TMEM272: variants seen among roughly 807,000 people sequenced by gnomAD.
TMEM272 encodes transmembrane protein 272.
A neutral mutation model predicts 3.7 loss-of-function variants in TMEM272; 8 were observed. The ratio of observed to expected loss-of-function variants is 2.17; its 90% CI spans 1.27 to 3.91. TMEM272 has a LOEUF of 3.91. Among genes scored for constraint, TMEM272 ranks in the 30% most tolerant of loss-of-function variants. TMEM272 has a pLI of 0.00. For synonymous variants in TMEM272, 63 were observed against 39.8 expected (o/e 1.58, Z -2.20); for missense variants, 166 against 91.5 (o/e 1.81, Z -3.32).
the TMEM272 span, among the ~76,000 whole-genome samples, chr13:51,871,830 AC>A: frequency 1.3e-5 from 2 of 149,006 alleles, no homozygotes; most frequent in African/African-American, 5.1e-5. Flanking sequence ...ACACACACAC[AC>A]ACACACACAC....
At chr13:51,854,506 C>T in the TMEM272 span, among the ~76,000 whole-genome samples, 2 of 152,144 alleles carry the variant, frequency 1.3e-5, no homozygotes, top group Non-Finnish European at 2.9e-5. Context: ...TTCTCTGACT[C>T]CCCAGCTATG....
chr13:51,888,639 C>CTTTTTTTTTTTTT, the TMEM272 span, among the ~76,000 whole-genome samples: 84 of 76,796 alleles, frequency 1.1e-3, no homozygotes, highest in South Asian at 5.7e-3. Flanking sequence ...TTTTCTTTTT[C>CTTTTTTTTTTTTT]TTTTTTTTTT....
chr13:51,911,416 G>C, the TMEM272 span, among the ~76,000 whole-genome samples: 31 of 152,192 alleles, frequency 2.0e-4, no homozygotes, highest in Non-Finnish European at 4.3e-4. Context: ...CACATAGAGA[G>C]TGTTCCTCTT....
At chr13:51,848,192 T>C (rs1157184628), upstream of TMEM272, among the ~76,000 whole-genome samples, 2 of 152,160 alleles carry the variant, frequency 1.3e-5, no homozygotes, top group Non-Finnish European at 2.9e-5. Flanking sequence ...GTGGAAGCAG[T>C]TGCTAACCCT....
the TMEM272 span, among the ~76,000 whole-genome samples, chr13:51,877,255 A>G: frequency 6.6e-6 from 1 of 152,208 alleles, no homozygotes; most frequent in Non-Finnish European, 1.5e-5. Context: ...GTAAAATGCC[A>G]AGCACACAGA....
At chr13:51,915,651 T>C in the TMEM272 span, among the ~76,000 whole-genome samples, 13 of 152,188 alleles carry the variant, frequency 8.5e-5, no homozygotes, top group Non-Finnish European at 1.8e-4. Flanking sequence ...GTGGGAGTAG[T>C]CCTGGGTCCT....
At chr13:51,912,789 G>A in the TMEM272 span, among the ~76,000 whole-genome samples, 2 of 152,130 alleles carry the variant, frequency 1.3e-5, no homozygotes, top group African/African-American at 4.8e-5. Flanking sequence ...GTGCAGTCCT[G>A]GCACACAGTT....
the TMEM272 span, among the ~76,000 whole-genome samples, chr13:51,915,046 TTCACGGCAAATTACAAATATTGAAGAGC>T: frequency 1.3e-5 from 2 of 152,212 alleles, no homozygotes; most frequent in South Asian, 2.1e-4. Flanking sequence ...ATGTAAATAC[TTCACGGCAAATTACAAATATTGAAGAGC>T]TGGAAAGTAC....
At chr13:51,927,196 A>G in the TMEM272 span, among the ~76,000 whole-genome samples, 1 of 152,184 alleles carries the variant, frequency 6.6e-6, no homozygotes, top group African/African-American at 2.4e-5. Context: ...GAAGTTTATA[A>G]AACACCCATA....
At chr13:51,842,071 T>C (rs1236369376) in intron 1 of TMEM272, among the ~76,000 whole-genome samples, 2 of 152,220 alleles carry the variant, frequency 1.3e-5, no homozygotes, top group African/African-American at 4.8e-5. Context: ...ACCTCGTGCA[T>C]GTAATAATGT....
intron 4 of TMEM272, among the ~76,000 whole-genome samples, chr13:51,819,940 G>A (rs954556962): frequency 3.9e-5 from 6 of 152,098 alleles, no homozygotes; most frequent in Non-Finnish European, 5.9e-5. Context: ...GCATGTCCTT[G>A]TTGGCTTAGA....
At chr13:51,842,438 G>A (rs1956271510) in intron 1 of TMEM272, among the ~76,000 whole-genome samples, 1 of 152,184 alleles carries the variant, frequency 6.6e-6, no homozygotes, top group East Asian at 1.9e-4. Flanking sequence ...AAAGGAGTAA[G>A]TCCACCAGGG....
the TMEM272 span, among the ~76,000 whole-genome samples, chr13:51,870,582 CA>C: frequency 1.3e-5 from 2 of 152,140 alleles, no homozygotes; most frequent in Non-Finnish European, 2.9e-5. Context: ...CAGAAATCCA[CA>C]AGAACAAAAA....
chr13:51,825,339 G>A (rs995222747), intron 3 of TMEM272, among the ~76,000 whole-genome samples: 2 of 152,148 alleles, frequency 1.3e-5, no homozygotes, highest in Non-Finnish European at 2.9e-5. Flanking sequence ...TAGTATTGTG[G>A]CTTTAGCAGG....
At chr13:51,914,040 A>G in the TMEM272 span, among the ~76,000 whole-genome samples, 2 of 152,246 alleles carry the variant, frequency 1.3e-5, no homozygotes, top group African/African-American at 4.8e-5. Context: ...ACCTCTGTTC[A>G]GCCCTCTGCA....
intron 2 of TMEM272, among the ~76,000 whole-genome samples, chr13:51,834,615 G>A (rs548714196): frequency 9.2e-5 from 14 of 152,204 alleles, no homozygotes; most frequent in Admixed American, 2.6e-4. Context: ...TTCTCTCACA[G>A]CTGAGGGGCT....
chr13:51,837,080 G>A (rs7323551), intron 2 of TMEM272, among the ~76,000 whole-genome samples: 6,830 of 152,268 alleles, frequency 0.045, 449 homozygotes, highest in African/African-American at 0.14. Context: ...GGCTGAAGAC[G>A]GAGTTATTCA....
intron 2 of TMEM272, among the ~76,000 whole-genome samples, chr13:51,835,280 A>G (rs1471566781): frequency 2.0e-5 from 3 of 149,980 alleles, no homozygotes; most frequent in Non-Finnish European, 4.4e-5. Context: ...TAGAGTGTGC[A>G]GTGGTGCAAT....
upstream of TMEM272, among the ~76,000 whole-genome samples, chr13:51,845,870 G>A (rs1177724270): frequency 6.6e-6 from 1 of 152,226 alleles, no homozygotes; most frequent in Non-Finnish European, 1.5e-5. Context: ...TTTAGACTCT[G>A]CTAAGTCTCC....
Sources: allele counts gnomAD v4.1 joint callset (sites outside exome capture counted in the v4.1 genomes callset), GRCh38; gene constraint gnomAD v4.1.1; transcripts MANE v1.5; gene names NCBI Gene and HGNC (gene_info 2026-07-23, HGNC 2026-07-21).